Variants in MCTP2 observed in about 807,000 individuals in gnomAD.
The protein encoded by MCTP2 is multiple C2 and transmembrane domain containing 2.
Under a neutral mutation model 111.6 loss-of-function variants are expected in MCTP2, and 132 were observed. The observed-to-expected ratio is 1.18, with a 90% confidence interval of 1.03 to 1.37. MCTP2 has a LOEUF of 1.37. MCTP2 is among the 40% of genes most tolerant of loss of function. The probability of loss-of-function intolerance (pLI) is 0.00; values close to 1 mark genes in which losing one functional copy is unlikely to be tolerated. For synonymous variants in MCTP2, 395 were observed against 387.7 expected (o/e 1.02, Z -0.22); for missense variants, 1,183 against 1,067.9 (o/e 1.11, Z -1.50).
intron 21 of MCTP2, 132 bp from the exon 22 acceptor site, chr15:94,476,564 G>A (rs1173078632): frequency 1.7e-6 from 1 of 574,932 alleles, no homozygotes; most frequent in Non-Finnish European, 3.0e-6. Flanking sequence ...AGTCAGGCGA[G>A]TTTTTGAAGA....
intron 4 of MCTP2, among the ~76,000 whole-genome samples, chr15:94,326,285 C>T (rs1306602493): frequency 6.6e-6 from 1 of 152,130 alleles, no homozygotes; most frequent in Non-Finnish European, 1.5e-5. Context: ...GTTCAGTCAA[C>T]ATTCTGAATT....
intron 1 of MCTP2, among the ~76,000 whole-genome samples, chr15:94,261,275 C>G (rs2073163417): frequency 6.6e-6 from 1 of 152,214 alleles, no homozygotes; most frequent in Non-Finnish European, 1.5e-5. Flanking sequence ...GAGGCTGTGT[C>G]ATAGGTGCAT....
chr15:94,367,884 C>A, intron 11 of MCTP2, 93 bp downstream of exon 11: 1 of 1,138,972 alleles, frequency 8.8e-7, no homozygotes, highest in Non-Finnish European at 1.2e-6. Context: ...AATTGAAAAA[C>A]TACATCAAAA....
rs1415474753 is a variant in MCTP2 at position 94,402,955 on chromosome 15, C to A, written c.2085+936C>A. The A allele has an allele frequency of 1.1e-5, 11 of 1,028,984 alleles. No homozygotes were observed. In the South Asian group the frequency reaches 1.2e-4, roughly 11 times the overall value. 63.7% of individuals were successfully genotyped at this position (1,028,984 alleles called of 1,614,324 possible). A position where few individuals can be genotyped will look rare whatever the true frequency, so the allele number is the denominator to read the frequency against. ...ACTGCCAATATATGCTGAATGTTCT[C>A]TCTTAGCCAACAGGCATAGCCTCAT... On this transcript the variant is annotated intron_variant, in intron 17 of 22. Coordinates refer to ENST00000357742, the MANE Select transcript of MCTP2 (RefSeq NM_001385001.1).
At chr15:94,456,167 C>T (rs1178157941) in intron 19 of MCTP2, among the ~76,000 whole-genome samples, 2 of 152,140 alleles carry the variant, frequency 1.3e-5, no homozygotes, top group South Asian at 4.1e-4. Flanking sequence ...TTCTGTTACT[C>T]AAGATATAGT....
At chr15:94,423,303 A>T (rs1427336795) in intron 17 of MCTP2, among the ~76,000 whole-genome samples, 2 of 152,134 alleles carry the variant, frequency 1.3e-5, no homozygotes, top group African/African-American at 2.4e-5. Flanking sequence ...TTCCCATTTC[A>T]CAGAAGAAAA....
At chr15:94,402,961 G>C in intron 17 of MCTP2, 1 of 1,023,916 alleles carries the variant, frequency 9.8e-7, no homozygotes, top group Non-Finnish European at 1.2e-6. Flanking sequence ...TTCTCTCTTA[G>C]CCAACAGGCA....
chr15:94,268,073 A>G (rs1387890865), intron 1 of MCTP2, among the ~76,000 whole-genome samples: 1 of 150,612 alleles, frequency 6.6e-6, no homozygotes, highest in Non-Finnish European at 1.5e-5. Context: ...TCACTGTGAT[A>G]GCCAGGATGG....
At chr15:94,255,297 A>C (rs1381174255) in intron 1 of MCTP2, among the ~76,000 whole-genome samples, 2 of 152,192 alleles carry the variant, frequency 1.3e-5, no homozygotes, top group Non-Finnish European at 2.9e-5. Context: ...GAAAGAGTTT[A>C]GATTGATTAT....
At chr15:94,283,062 A>C (rs533567429) in intron 1 of MCTP2, among the ~76,000 whole-genome samples, 66 of 152,054 alleles carry the variant, frequency 4.3e-4, no homozygotes, top group South Asian at 4.2e-4. Context: ...TGCACCAGGC[A>C]GAAGAAGGCT....
chr15:94,243,237 A>G (rs569172764), intron 1 of MCTP2, among the ~76,000 whole-genome samples: 77 of 148,734 alleles, frequency 5.2e-4, no homozygotes, highest in African/African-American at 1.6e-3. Flanking sequence ...GCGTACATAC[A>G]CATGCGTATA....
At chr15:94,360,914 A>G (rs2078896604) in intron 10 of MCTP2, among the ~76,000 whole-genome samples, 2 of 150,614 alleles carry the variant, frequency 1.3e-5, no homozygotes. Flanking sequence ...TAACAAAAGT[A>G]TCTCTTGGGA....
chr15:94,244,128 GTATA>G (rs2071467615), intron 1 of MCTP2, among the ~76,000 whole-genome samples: 2 of 142,912 alleles, frequency 1.4e-5, no homozygotes, highest in African/African-American at 2.7e-5. Context: ...ATATACACAT[GTATA>G]CACATGCATA....
intron 1 of MCTP2, among the ~76,000 whole-genome samples, chr15:94,261,221 G>A (rs1418614347): frequency 3.3e-5 from 5 of 152,158 alleles, no homozygotes; most frequent in Non-Finnish European, 7.3e-5. Context: ...ATAAAACCAA[G>A]TTGTACCCCC....
At chr15:94,402,695 C>A in intron 17 of MCTP2, 1 of 1,469,514 alleles carries the variant, frequency 6.8e-7, no homozygotes, top group South Asian at 1.4e-5. Flanking sequence ...CATTTTCTCT[C>A]ATTTGTAAAG....
At chr15:94,340,751 C>T (rs768816321) in intron 6 of MCTP2, 62 bp from the exon 7 acceptor site, 32 of 968,522 alleles carry the variant, frequency 3.3e-5, no homozygotes, top group South Asian at 4.8e-5. Context: ...GCTCCTGATG[C>T]GTGTAGGTCA....
At chr15:94,440,498 G>A (rs894772909) in intron 18 of MCTP2, among the ~76,000 whole-genome samples, 200 bp downstream of exon 18, 2 of 152,188 alleles carry the variant, frequency 1.3e-5, no homozygotes, top group African/African-American at 2.4e-5. Flanking sequence ...ACGTTCCTGA[G>A]TCTTGGCCTG....
At chr15:94,465,932 C>T (rs530234536) in intron 20 of MCTP2, among the ~76,000 whole-genome samples, 24 of 152,182 alleles carry the variant, frequency 1.6e-4, no homozygotes, top group Middle Eastern at 3.4e-3. Context: ...ATCTATGTTC[C>T]ACATCTCTTT....
chr15:94,320,111 C>G (rs889430665), intron 4 of MCTP2, among the ~76,000 whole-genome samples: 1 of 150,006 alleles, frequency 6.7e-6, no homozygotes, highest in African/African-American at 2.5e-5. Context: ...AATCTTAGTG[C>G]TGTATTAGGA....
Sources: allele counts gnomAD v4.1 joint callset (sites outside exome capture counted in the v4.1 genomes callset), GRCh38; gene constraint gnomAD v4.1.1; transcripts MANE v1.5; gene names NCBI Gene and HGNC (gene_info 2026-07-23, HGNC 2026-07-21).